NRP1: variants seen among roughly 807,000 people sequenced by gnomAD.
NRP1 encodes neuropilin-1.
In NRP1, 35 loss-of-function variants were observed where a neutral mutation model predicts 106.7. That is an observed-to-expected ratio of 0.33 (90% CI 0.25 to 0.43). NRP1 has a LOEUF of 0.43. NRP1 is among the 20% of genes least tolerant of loss of function. The pLI is 1.00. For missense variants in NRP1, 1,024 were observed against 1,170.4 expected (o/e 0.87, Z 1.83); for synonymous variants, 437 against 417.9 (o/e 1.05, Z -0.56).
chr10:33,334,214 C>T (rs559895689), intron 1 of NRP1, 96 bp downstream of exon 1: 4 of 1,150,080 alleles, frequency 3.5e-6, no homozygotes, highest in South Asian at 1.4e-5. Context: ...CGGTTGTTCC[C>T]GGCTGATCCC....
chr10:33,202,831 G>T, intron 11 of NRP1, 60 bp downstream of exon 11: 1 of 1,614,068 alleles, frequency 6.2e-7, no homozygotes, highest in South Asian at 1.1e-5. Context: ...GGCGTTAGCT[G>T]GTCCCAACTA....
At chr10:33,212,220 C>T (rs962656865) in intron 9 of NRP1, 10 of 152,120 alleles carry the variant, frequency 6.6e-5, no homozygotes, top group Admixed American at 3.9e-4. Context: ...AAGGTTTCAA[C>T]GCATAAAGAA....
At chr10:33,275,848 T>G (rs1843652210) in intron 2 of NRP1, among the ~76,000 whole-genome samples, 1 of 151,986 alleles carries the variant, frequency 6.6e-6, no homozygotes, top group East Asian at 1.9e-4. Context: ...AGTCTGAGAC[T>G]GCAGTGAGCT....
At chr10:33,221,917 A>G in intron 7 of NRP1, 54 bp from the exon 8 acceptor site, 1 of 1,557,998 alleles carries the variant, frequency 6.4e-7, no homozygotes, top group South Asian at 1.1e-5. Context: ...ATTTAAATCC[A>G]TAAATGTGTT....
chr10:33,280,394 T>C (rs1411086304), intron 2 of NRP1, among the ~76,000 whole-genome samples: 2 of 152,178 alleles, frequency 1.3e-5, no homozygotes, highest in Non-Finnish European at 2.9e-5. Context: ...AAAATTCACA[T>C]GCCTTTAATT....
chr10:33,180,496 G>T, intron 16 of NRP1, 131 bp from the exon 17 acceptor site: 6 of 884,876 alleles, frequency 6.8e-6, no homozygotes, highest in South Asian at 3.7e-5. Context: ...CTGACTCATT[G>T]TTGGGAACAG....
intron 6 of NRP1, among the ~76,000 whole-genome samples, chr10:33,249,167 G>C (rs1841662957): frequency 7.7e-6 from 1 of 130,218 alleles, no homozygotes; most frequent in Non-Finnish European, 1.5e-5. Context: ...GCACTCCCAA[G>C]AGCTTTAATT....
At chr10:33,182,376 T>C (rs561132431) in intron 16 of NRP1, among the ~76,000 whole-genome samples, 1 of 152,198 alleles carries the variant, frequency 6.6e-6, no homozygotes, top group Non-Finnish European at 1.5e-5. Flanking sequence ...AGTGATAAAC[T>C]GAGTGTGTTT....
chr10:33,330,676 G>A, intron 2 of NRP1, 32 bp downstream of exon 2: 1 of 1,591,596 alleles, frequency 6.3e-7, no homozygotes, highest in South Asian at 1.1e-5. Flanking sequence ...AGATGGTGCT[G>A]TGGTGCCCTG....
intron 6 of NRP1, among the ~76,000 whole-genome samples, chr10:33,249,950 G>A (rs1371999965): frequency 2.6e-5 from 4 of 151,852 alleles, no homozygotes; most frequent in Non-Finnish European, 5.9e-5. Context: ...AATGGGAACC[G>A]AAGCTTGTTC....
chr10:33,213,258 C>G (rs764229050), intron 9 of NRP1, 128 bp downstream of exon 9: 3 of 1,609,334 alleles, frequency 1.9e-6, no homozygotes, highest in Non-Finnish European at 1.7e-6. Flanking sequence ...CTTACTGACC[C>G]CATCACACAC....
intron 6 of NRP1, among the ~76,000 whole-genome samples, chr10:33,227,170 T>C (rs1438300728): frequency 6.6e-6 from 1 of 152,192 alleles, no homozygotes; most frequent in African/African-American, 2.4e-5. Context: ...GAAAACTGGA[T>C]TCAATATCAT....
chr10:33,220,129 T>C (rs1469358270), intron 8 of NRP1, among the ~76,000 whole-genome samples: 1 of 152,190 alleles, frequency 6.6e-6, no homozygotes, highest in Non-Finnish European at 1.5e-5. Flanking sequence ...AAATAAACTT[T>C]TCATTAAAAA....
chr10:33,265,980 T>A (rs1019563772), intron 3 of NRP1, among the ~76,000 whole-genome samples: 1 of 152,188 alleles, frequency 6.6e-6, no homozygotes, highest in Non-Finnish European at 1.5e-5. Flanking sequence ...TAGGATTTTA[T>A]ATCCACAGTG....
At chr10:33,184,132 C>T (rs1465520310) in intron 15 of NRP1, among the ~76,000 whole-genome samples, 1 of 152,190 alleles carries the variant, frequency 6.6e-6, no homozygotes, top group Admixed American at 6.5e-5. Flanking sequence ...CTGCCTCAGC[C>T]TTCCGAGTAG....
chr10:33,229,593 T>C (rs1464111888), intron 6 of NRP1, among the ~76,000 whole-genome samples: 1 of 152,186 alleles, frequency 6.6e-6, no homozygotes, highest in African/African-American at 2.4e-5. Flanking sequence ...ACCCTAGAAC[T>C]TCATTCCCTG....
At chr10:33,334,225 G>T in intron 1 of NRP1, 85 bp downstream of exon 1, 2 of 1,273,240 alleles carry the variant, frequency 1.6e-6, no homozygotes, top group Non-Finnish European at 1.1e-6. Context: ...GGCTGATCCC[G>T]GGAAGCCCCG....
At chr10:33,183,794 A>T (rs898251877) in intron 15 of NRP1, among the ~76,000 whole-genome samples, 1 of 152,258 alleles carries the variant, frequency 6.6e-6, no homozygotes, top group African/African-American at 2.4e-5. Context: ...TCAAGGATGC[A>T]TATTTGATGA....
intron 12 of NRP1, chr10:33,194,221 A>G (rs929439727): frequency 6.6e-6 from 1 of 152,562 alleles, no homozygotes; most frequent in African/African-American, 2.4e-5. Flanking sequence ...GCCAACGCCC[A>G]TGACCCTGAA....
Sources: gnomAD v4.1 joint callset for allele counts (sites outside exome capture counted in the v4.1 genomes callset) on GRCh38, gnomAD v4.1.1 for gene constraint, MANE v1.5 for transcripts, NCBI Gene and HGNC (gene_info 2026-07-23, HGNC 2026-07-21) for gene names.